FTO: variants seen among roughly 807,000 people sequenced by gnomAD.
The protein encoded by FTO is FTO alpha-ketoglutarate dependent dioxygenase.
In FTO, 47 loss-of-function variants were observed where a neutral mutation model predicts 63.9. That is an observed-to-expected ratio of 0.74 (90% CI 0.58 to 0.94). The LOEUF (loss-of-function observed/expected upper bound fraction) is 0.94. Ranked by LOEUF, FTO falls within the 40% of genes least tolerant of loss-of-function variation. FTO has a pLI of 0.00. For synonymous variants in FTO, 207 were observed against 224.4 expected (o/e 0.92, Z 0.69); for missense variants, 562 against 618.1 (o/e 0.91, Z 0.96).
chr16:53,899,068 C>CA (rs1259563529), intron 7 of FTO, among the ~76,000 whole-genome samples: 1 of 152,122 alleles, frequency 6.6e-6, no homozygotes, highest in Non-Finnish European at 1.5e-5. Flanking sequence ...TATTCTTAAA[C>CA]AAACATAACT....
At chr16:54,050,559 A>G (rs2085287678) in intron 8 of FTO, among the ~76,000 whole-genome samples, 1 of 152,182 alleles carries the variant, frequency 6.6e-6, no homozygotes. Flanking sequence ...GGTGGTGACC[A>G]GGAATCCTTG....
At chr16:53,856,591 A>C (rs1165580668) in intron 4 of FTO, among the ~76,000 whole-genome samples, 2 of 152,118 alleles carry the variant, frequency 1.3e-5, no homozygotes, top group African/African-American at 2.4e-5. Context: ...CTCTACTAAA[A>C]ATACAAAAAT....
intron 6 of FTO, among the ~76,000 whole-genome samples, chr16:53,888,531 G>A (rs150560045): frequency 1.4e-5 from 2 of 138,856 alleles, no homozygotes; most frequent in African/African-American, 5.2e-5. Flanking sequence ...TGTTGCCCAG[G>A]CTGGGCTTAA....
At chr16:54,039,949 G>C (rs1412701230) in intron 8 of FTO, 2 of 152,154 alleles carry the variant, frequency 1.3e-5, no homozygotes, top group African/African-American at 4.8e-5. Context: ...ATTGGTACCT[G>C]CTGGTCAAGG....
intron 1 of FTO, among the ~76,000 whole-genome samples, chr16:53,745,240 G>A (rs1192202627): frequency 6.6e-6 from 1 of 152,046 alleles, no homozygotes; most frequent in Non-Finnish European, 1.5e-5. Context: ...AATTCCCTTT[G>A]GCTTTTATAG....
At chr16:53,997,204 AGAAG>A (rs1213457762) in intron 8 of FTO, among the ~76,000 whole-genome samples, 2 of 144,480 alleles carry the variant, frequency 1.4e-5, no homozygotes, top group African/African-American at 4.9e-5. Context: ...GGAGAAAGAA[AGAAG>A]GAAGGAAGGA....
chr16:54,034,358 G>A (rs1377281414), intron 8 of FTO, among the ~76,000 whole-genome samples: 9 of 152,106 alleles, frequency 5.9e-5, no homozygotes, highest in Non-Finnish European at 1.5e-5. Flanking sequence ...GAATTCCCTT[G>A]CTATACAAGG....
intron 8 of FTO, among the ~76,000 whole-genome samples, chr16:53,960,365 C>T (rs1195779819): frequency 6.6e-6 from 1 of 152,174 alleles, no homozygotes; most frequent in Non-Finnish European, 1.5e-5. Flanking sequence ...AAAATGCCTG[C>T]CGTGCGTGGC....
At chr16:53,963,389 C>T (rs986740976) in intron 8 of FTO, among the ~76,000 whole-genome samples, 2 of 152,196 alleles carry the variant, frequency 1.3e-5, no homozygotes, top group Admixed American at 1.3e-4. Flanking sequence ...ATAGGGAAGA[C>T]CTCAGCATGC....
At chr16:53,773,254 G>A (rs2077383810) in intron 1 of FTO, among the ~76,000 whole-genome samples, 1 of 152,066 alleles carries the variant, frequency 6.6e-6, no homozygotes, top group African/African-American at 2.4e-5. Flanking sequence ...TTCTACTCCT[G>A]TTTTCCTGCT....
At chr16:53,843,339 A>G (rs1023175024) in intron 3 of FTO, among the ~76,000 whole-genome samples, 2 of 152,244 alleles carry the variant, frequency 1.3e-5, no homozygotes, top group East Asian at 3.9e-4. Flanking sequence ...TGAGTGTGCC[A>G]TTTTACTGTA....
chr16:53,889,087 G>A, intron 7 of FTO, 136 bp downstream of exon 7: 1 of 1,025,990 alleles, frequency 9.7e-7, no homozygotes, highest in Non-Finnish European at 1.5e-6. Flanking sequence ...TAAGGTGATG[G>A]GTATAGCCAG....
chr16:53,995,404 C>T lies in FTO; in HGVS notation c.1364+61295C>T, dbSNP rs187262290. Reference sequence around the variant, plus strand: ...TTTAAAAGTCATTCGTCAGCCCACACGATACCACTGAGGAAGCCTCATGTG... The same window carrying T: ...TTTAAAAGTCATTCGTCAGCCCACATGATACCACTGAGGAAGCCTCATGTG... On this transcript the variant is annotated intron_variant, in intron 8 of 8. Transcript: ENST00000471389. 1.9e-3 allele frequency among the ~76,000 whole-genome samples: 291 copies of T among 152,292 alleles called. 2 individuals are homozygous for T. Among genetic ancestry groups the T allele is most frequent in the African/African-American group, 5.8e-3 (243 of 41,566 alleles).
chr16:54,038,663 A>G (rs1028569472), intron 8 of FTO, among the ~76,000 whole-genome samples: 8 of 152,144 alleles, frequency 5.3e-5, no homozygotes, highest in Non-Finnish European at 7.3e-5. Flanking sequence ...TTCTCACTCT[A>G]TTAGTTCATG....
At chr16:53,855,032 A>ATTTTTTTTTT (rs150118790) in intron 4 of FTO, among the ~76,000 whole-genome samples, 1 of 149,790 alleles carries the variant, frequency 6.7e-6, no homozygotes. Context: ...GTACTTTATT[A>ATTTTTTTTTT]TTATTATTTT....
chr16:53,942,633 C>T (rs889044721), intron 8 of FTO, among the ~76,000 whole-genome samples: 1 of 152,168 alleles, frequency 6.6e-6, no homozygotes, highest in African/African-American at 2.4e-5. Context: ...CTAATGTCCT[C>T]GTCTGCTTTA....
intron 1 of FTO, among the ~76,000 whole-genome samples, chr16:53,755,201 C>T (rs2076894028): frequency 6.6e-6 from 1 of 152,230 alleles, no homozygotes; most frequent in Non-Finnish European, 1.5e-5. Context: ...ATCCCTGTCA[C>T]CTTTGGGCAC....
intron 1 of FTO, among the ~76,000 whole-genome samples, chr16:53,798,114 C>T (rs1386818191): frequency 6.6e-6 from 1 of 152,088 alleles, no homozygotes; most frequent in Non-Finnish European, 1.5e-5. Flanking sequence ...ATCAATGAAA[C>T]ATAAATATCT....
At chr16:54,055,057 T>C (rs2085399905) in intron 8 of FTO, among the ~76,000 whole-genome samples, 1 of 152,224 alleles carries the variant, frequency 6.6e-6, no homozygotes, top group Non-Finnish European at 1.5e-5. Flanking sequence ...GAAGTTGCAC[T>C]GGCTTGAAGT....
Sources: allele counts gnomAD v4.1 joint callset (sites outside exome capture counted in the v4.1 genomes callset), GRCh38; gene constraint gnomAD v4.1.1; transcripts MANE v1.5; gene names NCBI Gene and HGNC (gene_info 2026-07-23, HGNC 2026-07-21).